The following DCPS variants were observed in gnomAD, a reference collection of about 807,000 sequenced individuals.
The protein encoded by DCPS is decapping enzyme, scavenger.
Under a neutral mutation model 34.7 loss-of-function variants are expected in DCPS, and 27 were observed. The observed-to-expected ratio is 0.78, with a 90% confidence interval of 0.57 to 1.07. The LOEUF is 1.07. Ranked by LOEUF, DCPS falls within the 50% of genes least tolerant of loss-of-function variation. The probability of loss-of-function intolerance (pLI) is 0.00; values close to 1 mark genes in which losing one functional copy is unlikely to be tolerated. For missense variants in DCPS, 464 were observed against 436.9 expected (o/e 1.06, Z -0.55); for synonymous variants, 185 against 185.7 (o/e 1.00, Z 0.03).
rs576699333 is a variant in DCPS at position 126,349,502 on chromosome 11, G to A, written c.*3889G>A. ...ACTTTCCTAATAGAGCAAAATTGCT[G>A]AGTGGTCTCTATTTACCAACATGAA... On this transcript the variant is annotated 3_prime_UTR_variant, in exon 6 of 6. Transcript: ENST00000263579. This position sits in a 1 kb window ranked among gnomAD's most constrained non-coding sequence, Gnocchi z 5.4. Among the ~76,000 whole-genome samples the A allele has an allele frequency of 2.6e-4, 40 of 152,308 alleles. No homozygotes were observed. The highest frequency in any genetic ancestry group is 3.4e-3 in the Middle Eastern group (1 of 294).
rs987187441 is a variant in DCPS at position 126,337,931 on chromosome 11, C to T, written c.523-355C>T. 9.0e-5 allele frequency: 21 copies of T among 233,814 alleles called. No homozygotes were observed. The highest frequency in any genetic ancestry group is 2.2e-4 in the African/African-American group (10 of 44,734). 14.5% of individuals were successfully genotyped at this position (233,814 alleles called of 1,614,324 possible). The stretch of plus-strand genomic sequence containing the variant: ...CAGCTCTTCCCCTGAGTCCTGTGAG[C>T]GGTGGAGGGGGTCACTGCTATAGAG... On this transcript the variant is annotated intron_variant, in intron 3 of 5. Coordinates refer to ENST00000263579, the MANE Select transcript of DCPS (RefSeq NM_014026.6). The surrounding 1 kb of genome is among the most constrained non-coding windows in gnomAD (Gnocchi z 5.3).
At chr11:126,318,459 T>C (rs1284473260) in intron 2 of DCPS, among the ~76,000 whole-genome samples, 1 of 152,194 alleles carries the variant, frequency 6.6e-6, no homozygotes, top group Non-Finnish European at 1.5e-5. Context: ...CAGCCAGGGC[T>C]GAGGAGAGTG....
Position 126,320,085 on chromosome 11 carries a change from C to T in DCPS, c.377-11320C>T, listed in dbSNP as rs1350286149. 6.6e-6 allele frequency among the ~76,000 whole-genome samples: 1 copy of T among 150,698 alleles called. No individual in the cohort carries two copies. Among genetic ancestry groups the T allele is most frequent in the Non-Finnish European group, 1.5e-5 (1 of 67,922 alleles). ...AGGCGGTCTTGACTCTCCATCTTTACCATCCTGGCCAGGCTGGTCTCAAAC... is the reference window on the plus strand; with the variant it reads ...AGGCGGTCTTGACTCTCCATCTTTATCATCCTGGCCAGGCTGGTCTCAAAC... On this transcript the variant is annotated intron_variant, in intron 2 of 5. Transcript: ENST00000263579. This position sits in a 1 kb window ranked among gnomAD's most constrained non-coding sequence, Gnocchi z 4.7.
rs1163070507 is a variant in DCPS at position 126,332,255 on chromosome 11, C to T, written c.522+705C>T. 1.3e-5 allele frequency among the ~76,000 whole-genome samples: 2 copies of T among 152,234 alleles called. No homozygotes were observed. Among genetic ancestry groups the T allele is most frequent in the Non-Finnish European group, 2.9e-5 (2 of 68,046 alleles). On this transcript the variant is annotated intron_variant, in intron 3 of 5. Transcript: ENST00000263579. The surrounding 1 kb of genome is among the most constrained non-coding windows in gnomAD (Gnocchi z 5.4). Reference sequence around the variant, plus strand: ...GGGACTCCATTCACAAGCTGGCAGTCGTCTGGCCAGGCCAGATGCAAGGCC... The same window carrying T: ...GGGACTCCATTCACAAGCTGGCAGTTGTCTGGCCAGGCCAGATGCAAGGCC...
In DCPS at chr11:126,314,637, A is replaced by G. The variant is rs1261103179; in HGVS notation, c.376+7893A>G. ...GGATAAAGAAAATGTGGTATATATCATACCATGGAATACTACTCAGCCATA... is the reference window on the plus strand; with the variant it reads ...GGATAAAGAAAATGTGGTATATATCGTACCATGGAATACTACTCAGCCATA... On this transcript the variant is annotated intron_variant, in intron 2 of 5. Transcript: ENST00000263579. Among the ~76,000 whole-genome samples, 3 of 152,180 alleles carry G rather than the reference A, an allele frequency of 2.0e-5. 1 individual carries two copies. Among genetic ancestry groups the G allele is most frequent in the African/African-American group, 7.2e-5 (3 of 41,402 alleles).
chr11:126,304,302 G>A (rs1438056080), intron 1 of DCPS, 21 bp downstream of exon 1: 2 of 1,613,310 alleles, frequency 1.2e-6, no homozygotes, highest in East Asian at 2.2e-5. Context: ...GCAACCCTGA[G>A]GTGGGATGCG....
Position 126,322,068 on chromosome 11 carries a change from T to C in DCPS, c.377-9337T>C, listed in dbSNP as rs1160585630. Among the ~76,000 whole-genome samples the C allele has an allele frequency of 2.0e-5, 3 of 152,114 alleles. No individual in the cohort carries two copies. The highest frequency in any genetic ancestry group is 4.8e-5 in the African/African-American group (2 of 41,408). On this transcript the variant is annotated intron_variant, in intron 2 of 5. Coordinates refer to ENST00000263579, the MANE Select transcript of DCPS (RefSeq NM_014026.6). This position sits in a 1 kb window ranked among gnomAD's most constrained non-coding sequence, Gnocchi z 4.2. ...TTTAAAGAAATAATTCAAGACAGTT[T>C]CCCAGGTCTGAAGAACATGATTTTT...
At position 126,333,566 on chromosome 11, in the gene DCPS, A is replaced by G. The variant is rs1025072713; in HGVS notation, c.522+2016A>G. 3.3e-5 allele frequency among the ~76,000 whole-genome samples: 5 copies of G among 152,204 alleles called. No individual in the cohort carries two copies. Among genetic ancestry groups the G allele is most frequent in the Non-Finnish European group, 7.3e-5 (5 of 68,032 alleles). ...CTTACAGGACAAATAGAAGTTTACC[A>G]GGTGCACAAGGGGAGGGAGGAGCAA... On this transcript the variant is annotated intron_variant, in intron 3 of 5. Transcript: ENST00000263579. The surrounding 1 kb of genome is among the most constrained non-coding windows in gnomAD (Gnocchi z 5.7).
rs1373977617 is a variant in DCPS, at chr11:126,334,578, A to G, written c.522+3028A>G. On this transcript the variant is annotated intron_variant, in intron 3 of 5. Coordinates refer to ENST00000263579, the MANE Select transcript of DCPS (RefSeq NM_014026.6). The surrounding 1 kb of genome is among the most constrained non-coding windows in gnomAD (Gnocchi z 5.5). ...AGGCTGGTCTCAAACTCCTGACCTC[A>G]AGTGACCTGCCCACCTTGGCCTCCC... Among the ~76,000 whole-genome samples the G allele has an allele frequency of 6.6e-6, 1 of 152,128 alleles. No homozygotes were observed. The highest frequency in any genetic ancestry group is 2.4e-5 in the African/African-American group (1 of 41,424).
Position 126,319,214 on chromosome 11 carries a change from A to G in DCPS, c.377-12191A>G, listed in dbSNP as rs139306890. Among the ~76,000 whole-genome samples the G allele has an allele frequency of 6.6e-6, 1 of 152,088 alleles. No homozygotes were observed. The highest frequency in any genetic ancestry group is 1.5e-5 in the Non-Finnish European group (1 of 67,990). On this transcript the variant is annotated intron_variant, in intron 2 of 5. Transcript: ENST00000263579. The surrounding 1 kb of genome is among the most constrained non-coding windows in gnomAD (Gnocchi z 4.5). ...TTCTCGCCGCTAGAACATCCTGTAG[A>G]TGAAGAGCTGCTGCCCTGAACTCCA...
rs78672810 is a variant in DCPS at position 126,342,394 on chromosome 11, C to T, written c.637-913C>T. Reference sequence around the variant, plus strand: ...TGTGTGCTGCTGAGCTGGCCCTTGGCTCCCTTCTCAGCCTTCAGACCCCAC... The same window carrying T: ...TGTGTGCTGCTGAGCTGGCCCTTGGTTCCCTTCTCAGCCTTCAGACCCCAC... On this transcript the variant is annotated intron_variant, in intron 4 of 5. Coordinates refer to ENST00000263579, the MANE Select transcript of DCPS (RefSeq NM_014026.6). The surrounding 1 kb of genome is among the most constrained non-coding windows in gnomAD (Gnocchi z 4.4). 0.011 allele frequency: 1,754 copies of T among 152,660 alleles called. 77 individuals are homozygous for T. In the East Asian group the frequency reaches 0.14, roughly 12 times the overall value. The allele number at this position is 152,660 out of a possible 1,614,324, so 9.5% of individuals were successfully genotyped here. A position where few individuals can be genotyped will look rare whatever the true frequency, so the allele number is the denominator to read the frequency against.
At chr11:126,340,840 G>C (rs1192728895) in intron 4 of DCPS, 1 of 152,148 alleles carries the variant, frequency 6.6e-6, no homozygotes, top group Non-Finnish European at 1.5e-5. Flanking sequence ...CCTCCTTAGA[G>C]GTTATAACAT....
chr11:126,306,755 G>C lies in DCPS; in HGVS notation c.376+11G>C, dbSNP rs992770994. On this transcript the variant is annotated intron_variant, in intron 2 of 5. Coordinates refer to ENST00000263579, the MANE Select transcript of DCPS (RefSeq NM_014026.6). ...CAAGACAACTGAATGGTGAGCAAGA[G>C]GTGGCCAGGGTGGCTGTATGGAGGG... 3.0e-5 allele frequency: 47 copies of C among 1,585,160 alleles called. No individual in the cohort carries two copies. The highest frequency in any genetic ancestry group is 3.7e-5 in the Non-Finnish European group (43 of 1,157,002).
At chr11:126,340,745 A>G (rs771510538) in intron 4 of DCPS, 1 of 152,146 alleles carries the variant, frequency 6.6e-6, no homozygotes, top group Non-Finnish European at 1.5e-5. Flanking sequence ...CTGTCTCCAA[A>G]CTGATGCCCC....
rs551363659 is a variant in DCPS, at chr11:126,335,418, T to A, written c.523-2868T>A. ...TCCCCATTACATAGCTCTCTGTGTT[T>A]GTGTGAATTTTGTTCTTTCATTCTC... On this transcript the variant is annotated intron_variant, in intron 3 of 5. Coordinates refer to ENST00000263579, the MANE Select transcript of DCPS (RefSeq NM_014026.6). The surrounding 1 kb of genome is among the most constrained non-coding windows in gnomAD (Gnocchi z 4.8). 1.6e-4 allele frequency among the ~76,000 whole-genome samples: 24 copies of A among 152,374 alleles called. 1 individual carries two copies. The South Asian group carries it at 5.0e-3, about 32-fold the overall frequency.
Position 126,335,943 on chromosome 11 carries a change from CA to C in DCPS, c.523-2336del. Among the ~76,000 whole-genome samples, 1 of 151,254 alleles carries C rather than the reference CA, an allele frequency of 6.6e-6. No individual in the cohort carries two copies. ...AGAAAAAACAAAAAACAAAAACCAACAAAAAAACCTGTCTCTACTAAAAATA... is the reference window on the plus strand; with the variant it reads ...AGAAAAAACAAAAAACAAAAACCAACAAAAAACCTGTCTCTACTAAAAATA... On this transcript the variant is annotated intron_variant, in intron 3 of 5. Coordinates refer to ENST00000263579, the MANE Select transcript of DCPS (RefSeq NM_014026.6). This position sits in a 1 kb window ranked among gnomAD's most constrained non-coding sequence, Gnocchi z 4.8.
Position 126,332,719 on chromosome 11 carries a change from C to T in DCPS, c.522+1169C>T, listed in dbSNP as rs1463502625. Among the ~76,000 whole-genome samples, 1 of 152,234 alleles carries T rather than the reference C, an allele frequency of 6.6e-6. No individual in the cohort carries two copies. Among genetic ancestry groups the T allele is most frequent in the Admixed American group, 6.5e-5 (1 of 15,286 alleles). ...CCCAGCCTGGTTCAGCCCTGGTCTC[C>T]CTGGGCAGCAGTTTGCGTGGGGTGC... On this transcript the variant is annotated intron_variant, in intron 3 of 5. Coordinates refer to ENST00000263579, the MANE Select transcript of DCPS (RefSeq NM_014026.6). The surrounding 1 kb of genome is among the most constrained non-coding windows in gnomAD (Gnocchi z 5.4).
Position 126,332,464 on chromosome 11 carries a change from T to C in DCPS, c.522+914T>C, listed in dbSNP as rs563759495. On this transcript the variant is annotated intron_variant, in intron 3 of 5. Coordinates refer to ENST00000263579, the MANE Select transcript of DCPS (RefSeq NM_014026.6). The surrounding 1 kb of genome is among the most constrained non-coding windows in gnomAD (Gnocchi z 5.4). ...TTGTCTTTATCACTCACCCTTGTTC[T>C]CTTCGAGCATTTCTCACTTTTCTCC... Among the ~76,000 whole-genome samples, 6 of 152,362 alleles carry C rather than the reference T, an allele frequency of 3.9e-5. No homozygotes were observed. The South Asian group carries it at 1.2e-3, about 32-fold the overall frequency.
chr11:126,328,151 C>T lies in DCPS; in HGVS notation c.377-3254C>T, dbSNP rs755065316. Among the ~76,000 whole-genome samples, 3 of 152,110 alleles carry T rather than the reference C, an allele frequency of 2.0e-5. No individual in the cohort carries two copies. Among genetic ancestry groups the T allele is most frequent in the Non-Finnish European group, 4.4e-5 (3 of 68,006 alleles). On this transcript the variant is annotated intron_variant, in intron 2 of 5. Transcript: ENST00000263579. The surrounding 1 kb of genome is among the most constrained non-coding windows in gnomAD (Gnocchi z 6.6). The stretch of plus-strand genomic sequence containing the variant: ...AGTTAGTGGGTCAGTGGGGAGCCGG[C>T]GCGGCTGGAGCAGAGGCCCTAAGCG...
Sources: gnomAD v4.1 joint callset for allele counts (sites outside exome capture counted in the v4.1 genomes callset) on GRCh38, gnomAD v4.1.1 for gene constraint, Gnocchi (gnomAD v3.1) non-coding constraint, MANE v1.5 for transcripts, NCBI Gene and HGNC (gene_info 2026-07-23, HGNC 2026-07-21) for gene names.